PYGB: variants seen among roughly 807,000 people sequenced by gnomAD.
The protein encoded by PYGB is glycogen phosphorylase B.
PYGB carries 82 observed loss-of-function variants against 94.3 expected under a neutral mutation model. The ratio of observed to expected loss-of-function variants is 0.87; its 90% CI spans 0.73 to 1.04. The LOEUF (loss-of-function observed/expected upper bound fraction) is 1.04, where lower values mean the gene tolerates loss of function less well. Ranked by LOEUF, PYGB falls within the 50% of genes least tolerant of loss-of-function variation. The pLI, the probability that PYGB is intolerant of heterozygous loss-of-function variation, is 0.00. For synonymous variants in PYGB, 488 were observed against 479.1 expected, an observed-to-expected ratio of 1.02 and a Z score of -0.24; for missense variants, 1,132 against 1,158.2, an observed-to-expected ratio of 0.98 and a Z score of 0.33.
chr20:25,276,202 G>A (rs1157163510), intron 5 of PYGB, among the ~76,000 whole-genome samples: 2 of 152,142 alleles, frequency 1.3e-5, no homozygotes, highest in African/African-American at 4.8e-5. Context: ...TCCCGCAGGT[G>A]GAGCTGAGAG....
chr20:25,250,937 G>T (rs1194648833), intron 1 of PYGB: 1 of 152,134 alleles, frequency 6.6e-6, no homozygotes, highest in Non-Finnish European at 1.5e-5. Flanking sequence ...TAAATATTTT[G>T]TGTTCTACAT....
intron 14 of PYGB, among the ~76,000 whole-genome samples, chr20:25,284,467 C>T (rs546642630): frequency 1.7e-4 from 26 of 152,330 alleles, no homozygotes; most frequent in Non-Finnish European, 2.9e-5. Context: ...GTTAGACACC[C>T]GAAAGGCCCA....
intron 13 of PYGB, 29 bp from the exon 14 acceptor site, chr20:25,284,075 C>T: frequency 6.2e-7 from 1 of 1,610,344 alleles, no homozygotes; most frequent in South Asian, 1.1e-5. Context: ...GGTGAAGTCT[C>T]CAGCCATCTT....
intron 17 of PYGB, among the ~76,000 whole-genome samples, chr20:25,293,662 G>C (rs1262226313): frequency 6.6e-6 from 1 of 152,190 alleles, no homozygotes. Context: ...CCCGTCCTGG[G>C]ATGCCCATGT....
intron 1 of PYGB, among the ~76,000 whole-genome samples, chr20:25,252,716 C>G (rs1331229908): frequency 6.6e-6 from 1 of 152,262 alleles, no homozygotes; most frequent in Non-Finnish European, 1.5e-5. Flanking sequence ...GCAGGTGCCA[C>G]TGTCCCAGCA....
chr20:25,271,580 CCCCGCCAGGGGACTGCAGG>C, intron 4 of PYGB, 94 bp downstream of exon 4: 1 of 1,375,408 alleles, frequency 7.3e-7, no homozygotes. Context: ...CTTCCCACGC[CCCCGCCAGGGGACTGCAGG>C]CCGGCCAGGG....
chr20:25,288,713 C>A, intron 15 of PYGB: 1 of 572,838 alleles, frequency 1.7e-6, no homozygotes, highest in Non-Finnish European at 3.1e-6. Flanking sequence ...CCTAGAGGGC[C>A]AGTCCCCAGT....
At position 25,296,654 on chromosome 20, in the gene PYGB, A is replaced by G. The variant is rs188832447; in HGVS notation, c.*132A>G. 726 of 1,239,532 alleles carry G rather than the reference A, an allele frequency of 5.9e-4. No individual in the cohort carries two copies. Among genetic ancestry groups the G allele is most frequent in the Admixed American group, 1.1e-3 (42 of 39,878 alleles). The allele number at this position is 1,239,532 out of a possible 1,614,324, so 76.8% of individuals were successfully genotyped here. On this transcript the variant is annotated 3_prime_UTR_variant, in exon 20 of 20. Transcript: ENST00000216962. ...GAGTACCATGTTTCCAGGAGGGGCC[A>G]TGGGGGTCAGGGTGGTTTTGAGAGA...
At chr20:25,251,635 C>T (rs1319668804) in intron 1 of PYGB, among the ~76,000 whole-genome samples, 1 of 152,118 alleles carries the variant, frequency 6.6e-6, no homozygotes, top group Non-Finnish European at 1.5e-5. Context: ...CAGCCCATGC[C>T]CAGTTATGAG....
At chr20:25,279,343 T>A (rs370306316) in intron 9 of PYGB, among the ~76,000 whole-genome samples, 194 bp downstream of exon 9, 7 of 151,610 alleles carry the variant, frequency 4.6e-5, no homozygotes, top group East Asian at 3.9e-4. Flanking sequence ...GAGTATGGGG[T>A]CAGGGCGCGG....
intron 2 of PYGB, 144 bp downstream of exon 2, chr20:25,259,482 G>A: frequency 1.6e-6 from 1 of 620,204 alleles, no homozygotes; most frequent in Non-Finnish European, 2.8e-6. Flanking sequence ...CTCCCCTCCT[G>A]GAAGGAATGG....
chr20:25,276,298 A>C lies in PYGB; in HGVS notation c.661-348A>C, dbSNP rs545685606. Among the ~76,000 whole-genome samples, 661 of 152,100 alleles carry C rather than the reference A, an allele frequency of 4.3e-3. 1 individual carries two copies. The highest frequency in any genetic ancestry group is 8.3e-3 in the South Asian group (40 of 4,818). On this transcript the variant is annotated intron_variant, in intron 5 of 19. Coordinates refer to ENST00000216962, the MANE Select transcript of PYGB (RefSeq NM_002862.4). ...GGGGAGGCGCGGAGGGCAGAGGGTA[A>C]GGAGGGAGGTGGGGGTTGGTGCTGC...
chr20:25,279,108 A>T lies in PYGB; in HGVS notation c.1051A>T (p.Met351Leu). The change falls in exon 9 of 20, where the codon ATG (methionine) becomes TTG (leucine). Residue 351 changes from methionine to leucine, a missense_variant. Transcript: ENST00000216962. ...THPALSIPEL[M>L]RILVDVEKVD... ...CCCCGCCCTCTCCATCCCTGAGCTC[A>T]TGCGGATCCTGGTGGACGTGGAGAA... The T allele has an allele frequency of 6.2e-7, 1 of 1,613,818 alleles. No individual in the cohort carries two copies. The highest frequency in any genetic ancestry group is 1.1e-5 in the South Asian group (1 of 91,046).
At chr20:25,255,017 G>A (rs964289360) in intron 1 of PYGB, among the ~76,000 whole-genome samples, 2 of 152,174 alleles carry the variant, frequency 1.3e-5, no homozygotes, top group African/African-American at 2.4e-5. Context: ...GGAAATCCAC[G>A]ATCCACGTTG....
intron 18 of PYGB, chr20:25,294,949 G>A: frequency 1.2e-6 from 2 of 1,613,912 alleles, no homozygotes; most frequent in Non-Finnish European, 1.7e-6. Context: ...GCTCTTCGAT[G>A]ACCGTGTCAC....
chr20:25,275,352 G>C (rs2088301704), intron 5 of PYGB, among the ~76,000 whole-genome samples: 2 of 152,260 alleles, frequency 1.3e-5, no homozygotes, highest in Non-Finnish European at 2.9e-5. Context: ...GGAGCACCCA[G>C]TCCAGGCTCC....
intron 12 of PYGB, among the ~76,000 whole-genome samples, chr20:25,282,498 C>T (rs1386864022): frequency 6.6e-6 from 1 of 152,210 alleles, no homozygotes; most frequent in East Asian, 1.9e-4. Flanking sequence ...ATGCAAGCTC[C>T]CTGAGGAAAT....
Position 25,259,274 on chromosome 20 carries a change from G to C in PYGB, c.281G>C (p.Arg94Pro). Reference sequence around the variant, plus strand: ...CTTTCCCTGGAATTCTACATGGGTCGCACGCTGCAGAACACGATGGTGAAC... The same window carrying C: ...CTTTCCCTGGAATTCTACATGGGTCCCACGCTGCAGAACACGATGGTGAAC... Reference protein sequence around the residue: ...YYLSLEFYMGRTLQNTMVNLG... With the variant: ...YYLSLEFYMGPTLQNTMVNLG... Residue 94 changes from arginine to proline, a missense_variant, in exon 2 of 20, where the codon CGC becomes CCC. By Grantham distance (103) the Arg-to-Pro change is moderately radical. Coordinates refer to ENST00000216962, the MANE Select transcript of PYGB (RefSeq NM_002862.4). The C allele has an allele frequency of 6.2e-7, 1 of 1,611,306 alleles. No individual in the cohort carries two copies. The highest frequency in any genetic ancestry group is 8.5e-7 in the Non-Finnish European group (1 of 1,177,446).
intron 13 of PYGB, 54 bp from the exon 14 acceptor site, chr20:25,284,050 A>G (rs1431245440): frequency 3.1e-6 from 5 of 1,596,768 alleles, no homozygotes; most frequent in Non-Finnish European, 4.3e-6. Context: ...CCGCAGGGTC[A>G]GTGGATGGAG....
Sources: gnomAD v4.1 joint callset for allele counts (sites outside exome capture counted in the v4.1 genomes callset) on GRCh38, gnomAD v4.1.1 for gene constraint, MANE v1.5 for transcripts, NCBI Gene and HGNC (gene_info 2026-07-23, HGNC 2026-07-21) for gene names.